Variants in PCSK9 observed in about 807,000 individuals in gnomAD.
PCSK9 encodes the protein proprotein convertase subtilisin/kexin type 9, also known as convertase subtilisin/kexin type 9 preproprotein.
In PCSK9, 57 loss-of-function variants were observed where a neutral mutation model predicts 62.1. The ratio of observed to expected loss-of-function variants is 0.92; its 90% CI spans 0.74 to 1.14. The LOEUF is 1.14. PCSK9 is among the 50% of genes most tolerant of loss of function. The pLI, the probability that PCSK9 is intolerant of heterozygous loss-of-function variation, is 0.00. For synonymous variants in PCSK9, 387 were observed against 409.4 expected (o/e 0.95, Z 0.66); for missense variants, 870 against 959.8 (o/e 0.91, Z 1.24).
At chr1:55,052,120 A>G in intron 3 of PCSK9, 158 bp from the exon 4 acceptor site, 2 of 985,824 alleles carry the variant, frequency 2.0e-6, no homozygotes, top group Non-Finnish European at 3.2e-6. Flanking sequence ...ATTATAGAAT[A>G]GGATGTAGTG....
chr1:55,062,530 T>C (rs2100340607), intron 11 of PCSK9, among the ~76,000 whole-genome samples: 1 of 152,228 alleles, frequency 6.6e-6, no homozygotes, highest in Non-Finnish European at 1.5e-5. Flanking sequence ...ACTGAAAAGA[T>C]GCGATGGAGA....
chr1:55,044,054 A>G lies in PCSK9; in HGVS notation c.399+20A>G. On this transcript the variant is annotated intron_variant, in intron 2 of 11. Coordinates refer to ENST00000302118, the MANE Select transcript of PCSK9 (RefSeq NM_174936.4). The stretch of plus-strand genomic sequence containing the variant: ...GAGCTGGTGAGCCACCCTTTTTGGG[A>G]ATGGCACTTCCTGATAGGGCTGGGC... The G allele has an allele frequency of 6.2e-7, 1 of 1,613,670 alleles. No homozygotes were observed. The highest frequency in any genetic ancestry group is 8.5e-7 in the Non-Finnish European group (1 of 1,179,818).
At chr1:55,045,675 G>A (rs1557500268) in intron 2 of PCSK9, among the ~76,000 whole-genome samples, 1 of 151,710 alleles carries the variant, frequency 6.6e-6, no homozygotes, top group Non-Finnish European at 1.5e-5. Flanking sequence ...AGGAGGTAGG[G>A]AGGGAGTGGG....
chr1:55,046,489 A>G, intron 2 of PCSK9, 34 bp from the exon 3 acceptor site: 1 of 1,614,170 alleles, frequency 6.2e-7, no homozygotes, highest in Non-Finnish European at 8.5e-7. Flanking sequence ...CAAATGGCTT[A>G]AGCAGAGTCC....
chr1:55,041,363 C>A (rs112071856), intron 1 of PCSK9, among the ~76,000 whole-genome samples: 2 of 152,234 alleles, frequency 1.3e-5, no homozygotes, highest in South Asian at 2.1e-4. Flanking sequence ...GTTCCCTGAG[C>A]CTTTGACTTT....
At chr1:55,046,361 C>G (rs1226118351) in intron 2 of PCSK9, among the ~76,000 whole-genome samples, 162 bp from the exon 3 acceptor site, 1 of 152,190 alleles carries the variant, frequency 6.6e-6, no homozygotes, top group African/African-American at 2.4e-5. Flanking sequence ...CGAGAAAACT[C>G]AGGCTCCTAG....
chr1:55,058,896 G>T (rs549554303), intron 9 of PCSK9, among the ~76,000 whole-genome samples: 1 of 152,210 alleles, frequency 6.6e-6, no homozygotes, highest in Admixed American at 6.5e-5. Flanking sequence ...GACAGTGCTG[G>T]ATGGATTTTC....
At chr1:55,059,794 T>A in intron 10 of PCSK9, 131 bp downstream of exon 10, 1 of 1,195,176 alleles carries the variant, frequency 8.4e-7, no homozygotes, top group Non-Finnish European at 1.2e-6. Flanking sequence ...ATACTCTGGT[T>A]CTGCCACTTC....
In PCSK9 at chr1:55,058,540, G is replaced by A. The variant is rs1398024030; in HGVS notation, c.1396G>A (p.Gly466Arg). The change falls in exon 9 of 12, where the codon GGG (glycine) becomes AGG (arginine). Residue 466 changes from glycine to arginine, a missense_variant. Coordinates refer to ENST00000302118, the MANE Select transcript of PCSK9 (RefSeq NM_174936.4). ...FCRTVWSAHS[G>R]PTRMATAVAR... is the part of the protein sequence containing the mutation. ...CAGGACTGTATGGTCAGCACACTCG[G>A]GGCCTACACGGATGGCCACAGCCGT... is the stretch of plus-strand genomic sequence containing the variant. 1.2e-6 allele frequency: 2 copies of A among 1,612,020 alleles called. No homozygotes were observed. The highest frequency in any genetic ancestry group is 2.7e-5 in the African/African-American group (2 of 74,850).
intron 3 of PCSK9, among the ~76,000 whole-genome samples, chr1:55,047,895 C>A (rs1169455961): frequency 1.3e-5 from 2 of 152,162 alleles, no homozygotes; most frequent in African/African-American, 4.8e-5. Context: ...GCCCTGGAGC[C>A]CCCTGTACTC....
At chr1:55,044,211 T>G (rs937753793) in intron 2 of PCSK9, among the ~76,000 whole-genome samples, 177 bp downstream of exon 2, 1 of 152,234 alleles carries the variant, frequency 6.6e-6, no homozygotes, top group East Asian at 1.9e-4. Context: ...GAATTCCCTT[T>G]AAGCCTGGCC....
Position 55,061,503 on chromosome 1 carries a change from C to T in PCSK9, c.1810C>T (p.Pro604Ser). The change falls in exon 11 of 12, where the codon CCA (proline) becomes TCA (serine). Residue 604 changes from proline to serine, a missense_variant. Physicochemically the swap from Pro to Ser is moderately conservative, Grantham distance 74 (BLOSUM62 -1). Transcript: ENST00000302118. ...ASIHASCCHA[P>S]GLECKVKEHG... ...CATCCACGCTTCCTGCTGCCATGCC[C>T]CAGGTCTGGAATGCAAAGTCAAGGA... 1.2e-6 allele frequency: 2 copies of T among 1,605,312 alleles called. No homozygotes were observed. The highest frequency in any genetic ancestry group is 1.1e-5 in the South Asian group (1 of 88,776).
Position 55,044,045 on chromosome 1 carries a change from C to A in PCSK9, c.399+11C>A. The A allele has an allele frequency of 6.2e-7, 1 of 1,614,004 alleles. No homozygotes were observed. Among genetic ancestry groups the A allele is most frequent in the Non-Finnish European group, 8.5e-7 (1 of 1,179,962 alleles). The stretch of plus-strand genomic sequence containing the variant: ...GACCTGCTGGAGCTGGTGAGCCACC[C>A]TTTTTGGGAATGGCACTTCCTGATA... On this transcript the variant is annotated intron_variant, in intron 2 of 11. Coordinates refer to ENST00000302118, the MANE Select transcript of PCSK9 (RefSeq NM_174936.4).
chr1:55,052,318 C>CAT lies in PCSK9; in HGVS notation c.566_567dup (p.Gln190TyrfsTer78), dbSNP rs755197912. The CAT allele has an allele frequency of 9.3e-6, 15 of 1,613,840 alleles. No individual in the cohort carries two copies. In the Admixed American group the frequency reaches 2.5e-4, roughly 27 times the overall value. ...TGGAGGTGTATCTCCTAGACACCAG[C>CAT]ATACAGAGTGACCACCGGGAAATCG... On this transcript the variant is annotated frameshift_variant, in exon 4 of 12. Transcript: ENST00000302118. LOFTEE classifies it high-confidence loss of function.
chr1:55,046,000 C>T (rs943124773), intron 2 of PCSK9, among the ~76,000 whole-genome samples: 65 of 152,326 alleles, frequency 4.3e-4, no homozygotes, highest in African/African-American at 1.5e-3. Context: ...TGAGTCACCG[C>T]TCCCAGCTGC....
At chr1:55,050,720 G>A (rs1466085655) in intron 3 of PCSK9, among the ~76,000 whole-genome samples, 1 of 152,186 alleles carries the variant, frequency 6.6e-6, no homozygotes, top group Non-Finnish European at 1.5e-5. Flanking sequence ...TGCGGGACTG[G>A]GGGCCGACCT....
rs954226611 is a variant in PCSK9 at position 55,040,982 on chromosome 1, G to T, written c.207+938G>T. 3.3e-5 allele frequency among the ~76,000 whole-genome samples: 5 copies of T among 152,190 alleles called. No homozygotes were observed. The highest frequency in any genetic ancestry group is 5.9e-5 in the Non-Finnish European group (4 of 68,036). ...TGTCCCCCAGCTTGGAGTCAGATGT[G>T]GGGTTGAATCTTGGCTTCCTCTCAC... is the stretch of plus-strand genomic sequence containing the variant. On this transcript the variant is annotated intron_variant, in intron 1 of 11. Coordinates refer to ENST00000302118, the MANE Select transcript of PCSK9 (RefSeq NM_174936.4). The surrounding 1 kb of genome is among the most constrained non-coding windows in gnomAD (Gnocchi z 4.1).
chr1:55,048,398 A>T (rs1644650236), intron 3 of PCSK9, among the ~76,000 whole-genome samples: 2 of 152,318 alleles, frequency 1.3e-5, no homozygotes, highest in South Asian at 4.1e-4. Flanking sequence ...ATGTGAGTGT[A>T]TCTCTTTGGC....
rs1644721738 is a variant in PCSK9, at chr1:55,057,189, G to T, written c.997-142G>T. On this transcript the variant is annotated intron_variant, in intron 6 of 11. Transcript: ENST00000302118. ...TGCCAGAGTTCTGCCTGGGCAGTCA[G>T]ATTTTCCTTAGGAGGGGACATTTGA... 4 of 1,098,242 alleles carry T rather than the reference G, an allele frequency of 3.6e-6. No individual in the cohort carries two copies. The African/African-American group carries it at 4.6e-5, about 13-fold the overall frequency. The allele number at this position is 1,098,242 out of a possible 1,614,324, so 68.0% of individuals were successfully genotyped here.
Sources: allele counts gnomAD v4.1 joint callset (sites outside exome capture counted in the v4.1 genomes callset), GRCh38; gene constraint gnomAD v4.1.1; non-coding constraint Gnocchi (gnomAD v3.1); transcripts MANE v1.5; gene names NCBI Gene and HGNC (gene_info 2026-07-23, HGNC 2026-07-21).